The following HDAC9 variants were observed in gnomAD, a reference collection of about 807,000 sequenced individuals.
HDAC9 encodes histone deacetylase 9.
Under a neutral mutation model 139.4 loss-of-function variants are expected in HDAC9, and 41 were observed. The ratio of observed to expected loss-of-function variants is 0.29; its 90% CI spans 0.23 to 0.38. HDAC9 has a LOEUF of 0.38. HDAC9 is among the 10% of genes least tolerant of loss of function. The pLI is 1.00. For missense variants in HDAC9, 1,147 were observed against 1,297.0 expected (o/e 0.88, Z 1.78); for synonymous variants, 517 against 476.2 (o/e 1.09, Z -1.12).
intron 2 of HDAC9, among the ~76,000 whole-genome samples, chr7:18,261,231 C>T (rs966787117): frequency 1.3e-5 from 2 of 152,038 alleles, no homozygotes; most frequent in Non-Finnish European, 2.9e-5. Flanking sequence ...TTGGTTGAGC[C>T]TGGAAGTTCG....
Position 18,308,957 on chromosome 7 carries a change from A to G in HDAC9, c.-42+18442A>G, listed in dbSNP as rs190231467. Among the ~76,000 whole-genome samples the G allele has an allele frequency of 1.2e-4, 18 of 152,330 alleles. No homozygotes were observed. The East Asian group carries it at 3.1e-3, about 26-fold the overall frequency. ...GGTCCAGAAACACCAGGGAACCTGA[A>G]CAAAGTCACATGGCTGGTGAGAGGA... is the stretch of plus-strand genomic sequence containing the variant. On this transcript the variant is annotated intron_variant, in intron 1 of 3. Transcript: ENST00000413509.
intron 15 of HDAC9, among the ~76,000 whole-genome samples, chr7:18,764,066 T>C (rs1789618721): frequency 6.6e-6 from 1 of 152,198 alleles, no homozygotes; most frequent in Non-Finnish European, 1.5e-5. Flanking sequence ...TTGACTCTTT[T>C]GAACAAACCT....
intron 1 of HDAC9, among the ~76,000 whole-genome samples, chr7:18,433,540 C>G (rs911497871): frequency 2.6e-5 from 4 of 152,244 alleles, no homozygotes; most frequent in African/African-American, 9.6e-5. Context: ...CCCAAAAGCT[C>G]CTAGATCTGA....
intron 2 of HDAC9, among the ~76,000 whole-genome samples, chr7:18,235,222 A>G (rs148618906): frequency 6.6e-6 from 1 of 152,306 alleles, no homozygotes; most frequent in East Asian, 1.9e-4. Flanking sequence ...TGTGTGGTAT[A>G]AAAAAGAGAA....
chr7:18,611,317 A>G (rs376619141), intron 6 of HDAC9, among the ~76,000 whole-genome samples: 1 of 152,266 alleles, frequency 6.6e-6, no homozygotes, highest in African/African-American at 2.4e-5. Context: ...GATCACAACT[A>G]GCAAGAATAA....
At chr7:18,626,149 A>G (rs1307280863) in intron 6 of HDAC9, among the ~76,000 whole-genome samples, 1 of 151,984 alleles carries the variant, frequency 6.6e-6, no homozygotes, top group Admixed American at 6.6e-5. Context: ...CCCACAAAGA[A>G]GAGAGGGGAG....
At chr7:18,254,790 AT>A (rs1219329759) in intron 2 of HDAC9, among the ~76,000 whole-genome samples, 1 of 152,170 alleles carries the variant, frequency 6.6e-6, no homozygotes, top group East Asian at 1.9e-4. Context: ...CTTTGATATG[AT>A]TTTTTAAGTG....
chr7:18,898,350 G>A (rs1418189238), intron 22 of HDAC9, among the ~76,000 whole-genome samples: 4 of 151,738 alleles, frequency 2.6e-5, no homozygotes, highest in African/African-American at 4.8e-5. Context: ...AAAAAGATGA[G>A]TGGTACACAG....
At chr7:18,491,810 G>A (rs935309569), upstream of HDAC9, among the ~76,000 whole-genome samples, 1 of 151,832 alleles carries the variant, frequency 6.6e-6, no homozygotes, top group African/African-American at 2.4e-5. Context: ...ATGGGTCCCC[G>A]GCAGATCGGA....
At chr7:18,792,452 T>C (rs894736800) in intron 16 of HDAC9, among the ~76,000 whole-genome samples, 7 of 152,162 alleles carry the variant, frequency 4.6e-5, no homozygotes, top group African/African-American at 1.4e-4. Context: ...GTATTTTATA[T>C]ATTAAAAATA....
Position 18,670,819 on chromosome 7 carries a change from CT to C in HDAC9, c.1731+4350del, listed in dbSNP as rs112089690. Among the ~76,000 whole-genome samples the C allele has an allele frequency of 2.6e-4, 40 of 151,272 alleles. 2 individuals are homozygous for C. The highest frequency in any genetic ancestry group is 9.7e-4 in the African/African-American group (40 of 41,264). On this transcript the variant is annotated intron_variant, in intron 12 of 25. Transcript: ENST00000686413. ...TTACCAAACTGTCTTGATCAATAAT[CT>C]TTTTTTAATAGCTTCTATAAATTGT...
rs74522116 is a variant in HDAC9, at chr7:18,484,014, A to G, written c.-41-12248A>G. 6.1e-3 allele frequency among the ~76,000 whole-genome samples: 923 copies of G among 152,190 alleles called. 11 individuals are homozygous for G. The highest frequency in any genetic ancestry group is 0.021 in the African/African-American group (870 of 41,524). Reference sequence around the variant, plus strand: ...CATGATTCATTTGAAAGTGTAAAAAAGGGTACTTTAGTTTTACCCTAATGG... The same window carrying G: ...CATGATTCATTTGAAAGTGTAAAAAGGGGTACTTTAGTTTTACCCTAATGG... On this transcript the variant is annotated intron_variant, in intron 1 of 3. Coordinates refer to the HDAC9 transcript ENST00000413509.
At chr7:18,952,635 A>G (rs1486157846) in intron 23 of HDAC9, among the ~76,000 whole-genome samples, 2 of 152,038 alleles carry the variant, frequency 1.3e-5, no homozygotes, top group African/African-American at 2.4e-5. Context: ...TGTCTAATGC[A>G]TAAGAGTTTT....
intron 2 of HDAC9, among the ~76,000 whole-genome samples, chr7:18,226,917 G>A (rs1007667932): frequency 2.0e-5 from 3 of 152,176 alleles, no homozygotes; most frequent in Non-Finnish European, 4.4e-5. Flanking sequence ...GACAGAATCA[G>A]ATTTATGTTT....
chr7:18,912,387 C>A (rs1802821068), intron 22 of HDAC9, among the ~76,000 whole-genome samples: 2 of 151,936 alleles, frequency 1.3e-5, no homozygotes, highest in Non-Finnish European at 2.9e-5. Context: ...ATAAAAGTAT[C>A]CAATAAGTGG....
intron 1 of HDAC9, among the ~76,000 whole-genome samples, chr7:18,409,641 A>G (rs953820084): frequency 6.6e-6 from 1 of 152,290 alleles, no homozygotes; most frequent in Admixed American, 6.5e-5. Flanking sequence ...TTTTACTTAC[A>G]TTTAATAGAT....
chr7:18,334,524 A>G lies in HDAC9; in HGVS notation c.-42+44009A>G, dbSNP rs565396826. On this transcript the variant is annotated intron_variant, in intron 1 of 3. Coordinates refer to the HDAC9 transcript ENST00000413509. ...CAAATGCCAGAGGCATTCTTGTTAC[A>G]ATCAGGGCATGTTTTATATTAAAGA... is the stretch of plus-strand genomic sequence containing the variant. 7.3e-5 allele frequency among the ~76,000 whole-genome samples: 11 copies of G among 151,644 alleles called. No homozygotes were observed. The South Asian group carries it at 2.3e-3, about 31-fold the overall frequency.
chr7:18,930,050 T>G (rs1181076041), intron 22 of HDAC9, among the ~76,000 whole-genome samples: 4 of 152,184 alleles, frequency 2.6e-5, no homozygotes. Context: ...TCAAGGCTGA[T>G]TTTTAGTCAG....
At chr7:18,808,991 C>T (rs972473361) in intron 17 of HDAC9, among the ~76,000 whole-genome samples, 4 of 151,918 alleles carry the variant, frequency 2.6e-5, no homozygotes, top group African/African-American at 9.7e-5. Flanking sequence ...TAAAAATGAA[C>T]ATATAGACCA....
Sources: gnomAD v4.1 joint callset for allele counts (sites outside exome capture counted in the v4.1 genomes callset) on GRCh38, gnomAD v4.1.1 for gene constraint, MANE v1.5 for transcripts, NCBI Gene and HGNC (gene_info 2026-07-23, HGNC 2026-07-21) for gene names.